The following MDN1 variants were observed in gnomAD, a reference collection of about 807,000 sequenced individuals.
MDN1 encodes midasin AAA ATPase 1.
A neutral mutation model predicts 669.2 loss-of-function variants in MDN1; 266 were observed. The observed-to-expected ratio is 0.40, with a 90% CI of 0.36 to 0.44. The LOEUF (loss-of-function observed/expected upper bound fraction) is 0.44, where lower values mean the gene tolerates loss of function less well. Ranked by LOEUF, MDN1 falls within the 20% of genes least tolerant of loss-of-function variation. MDN1 has a pLI of 1.00. For missense variants in MDN1, 5,940 were observed against 6,754.0 expected, an observed-to-expected ratio of 0.88 and a Z score of 4.22; for synonymous variants, 2,385 against 2,457.1, an observed-to-expected ratio of 0.97 and a Z score of 0.87.
At position 89,758,320 on chromosome 6, in the gene MDN1, T is replaced by C. The variant is rs753947578; in HGVS notation, c.2637A>G (p.Leu879=). ...CAGTTGCTGGATTCATACAGGCAAA[T>C]AAACGGAAGTCAGGATGCCGAACCA... ...EPLVRHPDFR[L]FACMNPATDV... Residue 879 remains leucine (L), a synonymous_variant, in exon 19 of 102, where the codon TTA becomes TTG. Coordinates refer to ENST00000369393, the MANE Select transcript of MDN1 (RefSeq NM_014611.3). The C allele has an allele frequency of 6.2e-7, 1 of 1,611,570 alleles. No individual in the cohort carries two copies. The highest frequency in any genetic ancestry group is 8.5e-7 in the Non-Finnish European group (1 of 1,178,800).
chr6:89,749,785 A>G, intron 24 of MDN1, 34 bp from the exon 25 acceptor site: 1 of 1,484,306 alleles, frequency 6.7e-7, no homozygotes. Context: ...ACTAGTGTAT[A>G]AATCAGTACA....
intron 15 of MDN1, among the ~76,000 whole-genome samples, chr6:89,765,908 T>G (rs1584338884): frequency 6.6e-6 from 1 of 152,216 alleles, no homozygotes; most frequent in East Asian, 1.9e-4. Flanking sequence ...AATAGATAAT[T>G]AATACAATTA....
intron 36 of MDN1, among the ~76,000 whole-genome samples, chr6:89,728,450 ATAT>A (rs1472863856): frequency 6.6e-6 from 1 of 152,248 alleles, no homozygotes; most frequent in Non-Finnish European, 1.5e-5. Flanking sequence ...GAGAGAATTA[ATAT>A]TATAGGTGTC....
At position 89,674,084 on chromosome 6, in the gene MDN1, A is replaced by G. The variant is rs371444610; in HGVS notation, c.13247+20T>C. 1.4e-5 allele frequency: 23 copies of G among 1,610,652 alleles called. No individual in the cohort carries two copies. The highest frequency in any genetic ancestry group is 2.0e-5 in the Non-Finnish European group (23 of 1,177,710). On this transcript the variant is annotated intron_variant, in intron 79 of 101. Transcript: ENST00000369393. ...AGGACCTAAGCACACAGAGAAGTGTAAAGACATAGACACACTTACCAAGAA... is the reference window on the plus strand; with the variant it reads ...AGGACCTAAGCACACAGAGAAGTGTGAAGACATAGACACACTTACCAAGAA...
At chr6:89,717,960 C>G (rs1255497499) in intron 43 of MDN1, among the ~76,000 whole-genome samples, 2 of 152,180 alleles carry the variant, frequency 1.3e-5, no homozygotes, top group African/African-American at 4.8e-5. Context: ...GGATGGCATA[C>G]AGGATGATAT....
chr6:89,712,272 A>G lies in MDN1; in HGVS notation c.7431-16T>C. Reference sequence around the variant, plus strand: ...AGGCTGACTCCTGAAATTCATTTGAATGAACAAACTCAGTACTAGAATAAC... The same window carrying G: ...AGGCTGACTCCTGAAATTCATTTGAGTGAACAAACTCAGTACTAGAATAAC... On this transcript the variant is annotated splice_polypyrimidine_tract_variant and intron_variant, in intron 48 of 101. Coordinates refer to ENST00000369393, the MANE Select transcript of MDN1 (RefSeq NM_014611.3). 1 of 1,594,032 alleles carries G rather than the reference A, an allele frequency of 6.3e-7. No individual in the cohort carries two copies.
chr6:89,747,200 G>A (rs1469271623), intron 27 of MDN1, 129 bp downstream of exon 27: 5 of 1,064,184 alleles, frequency 4.7e-6, no homozygotes, highest in East Asian at 5.1e-5. Flanking sequence ...TAGAACTGGA[G>A]GGAAACAGGC....
At chr6:89,675,865 T>C (rs1811143111) in intron 77 of MDN1, 1 of 561,250 alleles carries the variant, frequency 1.8e-6, no homozygotes, top group African/African-American at 1.9e-5. Context: ...GTTTTTAATT[T>C]TTCTTAAACA....
Position 89,706,061 on chromosome 6 carries a change from C to A in MDN1, c.8146G>T (p.Glu2716Ter). 6.2e-7 allele frequency: 1 copy of A among 1,602,428 alleles called. No individual in the cohort carries two copies. Reference protein sequence around the residue: ...QGMVSDASANEILGSLRWRDR... With the variant: ...QGMVSDASAN ...TAAAACAAGATGCAGTTCCTTACCT[C>A]ATTGGCACTGGCATCAGACACCATT... Residue 2716 changes from glutamate (E) to a stop codon, truncating the protein, a stop_gained and splice_region_variant, in exon 53 of 102, where the codon GAG (glutamate) becomes TAG (stop). Transcript: ENST00000369393. LOFTEE classifies it high-confidence loss of function.
chr6:89,730,717 C>A lies in MDN1; in HGVS notation c.5140+9G>T, dbSNP rs1283118864. On this transcript the variant is annotated intron_variant, in intron 35 of 101. Coordinates refer to ENST00000369393, the MANE Select transcript of MDN1 (RefSeq NM_014611.3). ...AAAGGAAAATTCATTTTTTAAAAAT[C>A]ATTCTTACCCCTTGGTATAAAAAAT... 4 of 1,600,350 alleles carry A rather than the reference C, an allele frequency of 2.5e-6. No individual in the cohort carries two copies. The highest frequency in any genetic ancestry group is 2.2e-5 in the East Asian group (1 of 44,814).
intron 81 of MDN1, 56 bp downstream of exon 81, chr6:89,672,491 C>G: frequency 6.3e-7 from 1 of 1,597,342 alleles, no homozygotes; most frequent in Non-Finnish European, 8.5e-7. Flanking sequence ...AATAAATCAT[C>G]AAATACAAAA....
intron 91 of MDN1, 67 bp downstream of exon 91, chr6:89,656,633 A>C: frequency 2.8e-6 from 3 of 1,072,442 alleles, no homozygotes; most frequent in East Asian, 2.5e-5. Flanking sequence ...TTTTTAAAGC[A>C]CTACGTTTGG....
intron 15 of MDN1, among the ~76,000 whole-genome samples, chr6:89,768,331 G>A (rs907114846): frequency 6.6e-6 from 1 of 152,144 alleles, no homozygotes; most frequent in African/African-American, 2.4e-5. Flanking sequence ...TAAGTCTCAT[G>A]AGATTAGATG....
At position 89,714,523 on chromosome 6, in the gene MDN1, C is replaced by G. The variant is rs764307892; in HGVS notation, c.7069+20G>C. On this transcript the variant is annotated intron_variant, in intron 46 of 101. Coordinates refer to ENST00000369393, the MANE Select transcript of MDN1 (RefSeq NM_014611.3). ...TTGAAGACTAAAACTCTGCAAAGGC[C>G]CAAAAGTCAAGCACCTCACCTACAA... is the stretch of plus-strand genomic sequence containing the variant. The G allele has an allele frequency of 7.7e-6, 12 of 1,560,460 alleles. No homozygotes were observed. The African/African-American group carries it at 1.6e-4, about 21-fold the overall frequency.
At chr6:89,646,500 G>A (rs1251681895) in intron 100 of MDN1, 40 bp downstream of exon 100, 2 of 1,584,816 alleles carry the variant, frequency 1.3e-6, no homozygotes, top group East Asian at 2.2e-5. Flanking sequence ...TAGAGTACAA[G>A]AAAGCATTTT....
rs145934616 is a variant in MDN1, at chr6:89,692,229, G to A, written c.10587+214C>T. Among the ~76,000 whole-genome samples the A allele has an allele frequency of 2.2e-3, 337 of 152,210 alleles. 1 individual carries two copies. Among genetic ancestry groups the A allele is most frequent in the African/African-American group, 7.7e-3 (320 of 41,510 alleles). ...ACACATGTAGTGTATAATAAAGGCC[G>A]CTCTCATTTTTTTTTAATCTCTTAA... is the stretch of plus-strand genomic sequence containing the variant. On this transcript the variant is annotated intron_variant, in intron 63 of 101. Transcript: ENST00000369393.
intron 19 of MDN1, among the ~76,000 whole-genome samples, chr6:89,757,355 A>C (rs1429271612): frequency 8.5e-5 from 13 of 152,228 alleles, no homozygotes; most frequent in Admixed American, 8.5e-4. Context: ...ATATGCGTAT[A>C]CTGGTATATG....
intron 39 of MDN1, 107 bp from the exon 40 acceptor site, chr6:89,723,250 T>A: frequency 8.7e-7 from 1 of 1,155,816 alleles, no homozygotes; most frequent in Non-Finnish European, 1.2e-6. Flanking sequence ...AAACAAAAAT[T>A]AACAGGCTTG....
intron 5 of MDN1, 94 bp downstream of exon 5, chr6:89,793,668 G>A: frequency 1.0e-6 from 1 of 984,420 alleles, no homozygotes. Context: ...ACTAAATTTA[G>A]CTCACACCTG....
Sources: gnomAD v4.1 joint callset for allele counts (sites outside exome capture counted in the v4.1 genomes callset) on GRCh38, gnomAD v4.1.1 for gene constraint, MANE v1.5 for transcripts, NCBI Gene and HGNC (gene_info 2026-07-23, HGNC 2026-07-21) for gene names.